The following MAST4 variants were observed in gnomAD, a reference collection of about 807,000 sequenced individuals.
MAST4 encodes the protein microtubule associated serine/threonine kinase family member 4, also known as microtubule-associated serine/threonine-protein kinase 4.
A neutral mutation model predicts 162.7 loss-of-function variants in MAST4; 89 were observed. The observed-to-expected ratio is 0.55, with a 90% CI of 0.46 to 0.65. The LOEUF is 0.65. MAST4 is among the 30% of genes least tolerant of loss of function. The probability of loss-of-function intolerance (pLI) is 0.00; values close to 1 mark genes in which losing one functional copy is unlikely to be tolerated. For missense variants in MAST4, 3,153 were observed against 3,374.0 expected (o/e 0.93, Z 1.62); for synonymous variants, 1,479 against 1,361.1 (o/e 1.09, Z -1.91).
In MAST4 at chr5:67,167,888, G is replaced by T. The variant is rs959336699; in HGVS notation, c.*837G>T. 2.6e-5 allele frequency: 4 copies of T among 152,254 alleles called. No individual in the cohort carries two copies. The highest frequency in any genetic ancestry group is 9.6e-5 in the African/African-American group (4 of 41,460). 9.4% of individuals were successfully genotyped at this position (152,254 alleles called of 1,614,324 possible). A position where few individuals can be genotyped will look rare whatever the true frequency, so the allele number is the denominator to read the frequency against. On this transcript the variant is annotated 3_prime_UTR_variant, in exon 29 of 29. Coordinates refer to ENST00000403625, the MANE Select transcript of MAST4 (RefSeq NM_001164664.2). ...GGATGTCTGGCCTTCACCTGAGGTA[G>T]AGCGGGGACTATAAACACACATCAA...
At chr5:66,729,958 A>G (rs1424633488) in intron 1 of MAST4, among the ~76,000 whole-genome samples, 1 of 152,238 alleles carries the variant, frequency 6.6e-6, no homozygotes, top group African/African-American at 2.4e-5. Flanking sequence ...GTCAGGGAGC[A>G]GCCTCATGAA....
chr5:66,791,942 T>C (rs1024893583), intron 3 of MAST4, among the ~76,000 whole-genome samples: 18 of 152,312 alleles, frequency 1.2e-4, no homozygotes, highest in Admixed American at 1.2e-3. Flanking sequence ...GGATGCCATA[T>C]CACTTATTTT....
intron 5 of MAST4, among the ~76,000 whole-genome samples, chr5:67,054,837 C>A (rs1482444694): frequency 1.3e-5 from 2 of 152,142 alleles, no homozygotes; most frequent in Non-Finnish European, 2.9e-5. Flanking sequence ...ATGTTAAGAA[C>A]TGTTCAGCAT....
rs1238436109 is a variant in MAST4 at position 66,903,427 on chromosome 5, C to G, written c.674+3445C>G. On this transcript the variant is annotated intron_variant, in intron 4 of 28. Transcript: ENST00000403625. ...TGAATAACAATGATGTAAACATTCT[C>G]ACACCTGTGTTTGTGTGTGTGTGTG... Among the ~76,000 whole-genome samples, 5 of 137,166 alleles carry G rather than the reference C, an allele frequency of 3.6e-5. No homozygotes were observed. The East Asian group carries it at 1.1e-3, about 29-fold the overall frequency. The allele number at this position is 137,166 out of a possible 152,430, so 90.0% of individuals were successfully genotyped here. A position where few individuals can be genotyped will look rare whatever the true frequency, so the allele number is the denominator to read the frequency against.
chr5:66,724,201 C>T (rs1751381891), intron 1 of MAST4, among the ~76,000 whole-genome samples: 1 of 152,082 alleles, frequency 6.6e-6, no homozygotes, highest in African/African-American at 2.4e-5. Flanking sequence ...ATTCTCTTTC[C>T]TTTTACAACA....
At chr5:66,660,186 C>T (rs1196285016) in intron 1 of MAST4, among the ~76,000 whole-genome samples, 4 of 152,088 alleles carry the variant, frequency 2.6e-5, no homozygotes, top group South Asian at 2.1e-4. Context: ...GTCAGGAGTT[C>T]GAGACCAGCC....
rs1424826365 is a variant in MAST4, at chr5:66,871,307, A to G, written c.643-28644A>G. 3.9e-5 allele frequency among the ~76,000 whole-genome samples: 6 copies of G among 152,348 alleles called. No homozygotes were observed. The East Asian group carries it at 1.2e-3, about 29-fold the overall frequency. Reference sequence around the variant, plus strand: ...TTAAGTATGTGTTACCCTTGTTTTCAATGTAATATATTTACTTTAAATTTA... The same window carrying G: ...TTAAGTATGTGTTACCCTTGTTTTCGATGTAATATATTTACTTTAAATTTA... On this transcript the variant is annotated intron_variant, in intron 3 of 28. Transcript: ENST00000403625.
chr5:67,167,086 G>A lies in MAST4; in HGVS notation c.*35G>A, dbSNP rs539668662. On this transcript the variant is annotated 3_prime_UTR_variant, in exon 29 of 29. Coordinates refer to ENST00000403625, the MANE Select transcript of MAST4 (RefSeq NM_001164664.2). Reference sequence around the variant, plus strand: ...CCCAGGGGCAGGACTGTGGAGACCCGTCCTGAACGGGCGACTGTGTCTTGA... The same window carrying A: ...CCCAGGGGCAGGACTGTGGAGACCCATCCTGAACGGGCGACTGTGTCTTGA... The A allele has an allele frequency of 3.2e-5, 48 of 1,506,698 alleles. No homozygotes were observed. The highest frequency in any genetic ancestry group is 4.3e-5 in the Non-Finnish European group (48 of 1,125,412). 93.3% of individuals were successfully genotyped at this position (1,506,698 alleles called of 1,614,324 possible).
chr5:67,103,168 G>A (rs1275820618), intron 9 of MAST4, among the ~76,000 whole-genome samples: 1 of 152,180 alleles, frequency 6.6e-6, no homozygotes, highest in Admixed American at 6.5e-5. Context: ...GAGCAATTGT[G>A]AAGGGCTGCT....
intron 1 of MAST4, among the ~76,000 whole-genome samples, chr5:66,598,846 G>T (rs1242447811): frequency 6.6e-6 from 1 of 152,152 alleles, no homozygotes; most frequent in Non-Finnish European, 1.5e-5. Context: ...CCATTCTGTC[G>T]CTGATTTATT....
chr5:67,078,111 A>C (rs1761898042), intron 5 of MAST4, among the ~76,000 whole-genome samples: 1 of 152,160 alleles, frequency 6.6e-6, no homozygotes, highest in Admixed American at 6.5e-5. Flanking sequence ...AAAAATAAAT[A>C]AATAAATAAC....
chr5:66,733,745 C>T (rs1309008118), intron 1 of MAST4, among the ~76,000 whole-genome samples: 2 of 146,906 alleles, frequency 1.4e-5, no homozygotes, highest in South Asian at 2.2e-4. Flanking sequence ...AGGCATGAGC[C>T]ACTGCGCCCA....
At chr5:67,077,541 C>T (rs928878758) in intron 5 of MAST4, among the ~76,000 whole-genome samples, 12 of 152,292 alleles carry the variant, frequency 7.9e-5, no homozygotes, top group Middle Eastern at 3.4e-3. Flanking sequence ...GTTGTAGTTA[C>T]GCTTTCATCC....
At chr5:67,082,878 A>G (rs1762833217) in intron 5 of MAST4, among the ~76,000 whole-genome samples, 2 of 152,232 alleles carry the variant, frequency 1.3e-5, no homozygotes, top group Non-Finnish European at 2.9e-5. Context: ...TCTCTGTACT[A>G]TTCTTACAAC....
intron 4 of MAST4, chr5:66,917,294 GTTTTTC>G (rs1338746158): frequency 1.1e-5 from 4 of 376,290 alleles, no homozygotes; most frequent in African/African-American, 6.1e-5. Flanking sequence ...ATTTAGTAGT[GTTTTTC>G]TTTTTCAGTT....
chr5:67,075,620 G>C (rs2150693729), intron 5 of MAST4, among the ~76,000 whole-genome samples: 1 of 152,084 alleles, frequency 6.6e-6, no homozygotes, highest in Admixed American at 6.5e-5. Flanking sequence ...ATTAAAAATG[G>C]CCTAAGAAAC....
At chr5:66,725,549 T>C (rs959427380) in intron 1 of MAST4, among the ~76,000 whole-genome samples, 4 of 152,194 alleles carry the variant, frequency 2.6e-5, no homozygotes, top group Non-Finnish European at 5.9e-5. Flanking sequence ...GAATATCTTT[T>C]CAAAATAGTA....
chr5:66,881,693 A>C (rs1166699213), intron 3 of MAST4, among the ~76,000 whole-genome samples: 1 of 152,222 alleles, frequency 6.6e-6, no homozygotes, highest in African/African-American at 2.4e-5. Flanking sequence ...GAAAGGGTGT[A>C]GGAAATATTT....
chr5:66,732,478 G>T (rs1237886540), intron 1 of MAST4, among the ~76,000 whole-genome samples: 5 of 152,142 alleles, frequency 3.3e-5, no homozygotes, highest in Non-Finnish European at 7.3e-5. Context: ...TGCATCTTGT[G>T]TGTTCCTCTA....
Sources: allele counts gnomAD v4.1 joint callset (sites outside exome capture counted in the v4.1 genomes callset), GRCh38; gene constraint gnomAD v4.1.1; transcripts MANE v1.5; gene names NCBI Gene and HGNC (gene_info 2026-07-23, HGNC 2026-07-21).